The following RNLS variants were observed in gnomAD, a reference collection of about 807,000 sequenced individuals.
RNLS encodes renalase, FAD dependent amine oxidase, also known as renalase.
In RNLS, 39 loss-of-function variants were observed where a neutral mutation model predicts 39.8. The ratio of observed to expected loss-of-function variants is 0.98; its 90% confidence interval spans 0.76 to 1.28. The LOEUF (loss-of-function observed/expected upper bound fraction) is 1.28. Among genes scored for constraint, RNLS ranks in the 50% most tolerant of loss-of-function variants. The probability of loss-of-function intolerance (pLI) is 0.00; values close to 1 mark genes in which losing one functional copy is unlikely to be tolerated. For synonymous variants in RNLS, 147 were observed against 150.7 expected, an observed-to-expected ratio of 0.98 and a Z score of 0.18; for missense variants, 410 against 413.3, an observed-to-expected ratio of 0.99 and a Z score of 0.07.
intron 4 of RNLS, among the ~76,000 whole-genome samples, chr10:88,542,696 C>G (rs562373363): frequency 6.6e-6 from 1 of 152,262 alleles, no homozygotes; most frequent in African/African-American, 2.4e-5. Flanking sequence ...GTCAAAGCTG[C>G]AAGGCTGCCG....
intron 4 of RNLS, among the ~76,000 whole-genome samples, chr10:88,530,235 T>G (rs994430857): frequency 6.6e-6 from 1 of 152,118 alleles, no homozygotes; most frequent in South Asian, 2.1e-4. Flanking sequence ...AGCGAATGGG[T>G]AGATACTCAT....
intron 4 of RNLS, among the ~76,000 whole-genome samples, chr10:88,524,804 G>C (rs1181929028): frequency 6.6e-6 from 1 of 151,180 alleles, no homozygotes; most frequent in East Asian, 1.9e-4. Flanking sequence ...AATACTGGCT[G>C]TATCTAACCT....
At chr10:88,525,873 C>T (rs1448634796) in intron 4 of RNLS, among the ~76,000 whole-genome samples, 1 of 151,932 alleles carries the variant, frequency 6.6e-6, no homozygotes, top group African/African-American at 2.4e-5. Flanking sequence ...GATTATCATA[C>T]CTCCCAGTAA....
At chr10:88,493,118 A>G (rs1188367181) in intron 4 of RNLS, among the ~76,000 whole-genome samples, 2 of 152,148 alleles carry the variant, frequency 1.3e-5, no homozygotes. Flanking sequence ...TCCTACCAGT[A>G]CATGTTATTT....
chr10:88,425,048 C>A (rs1854652620), intron 4 of RNLS, among the ~76,000 whole-genome samples: 1 of 152,120 alleles, frequency 6.6e-6, no homozygotes, highest in Non-Finnish European at 1.5e-5. Context: ...TCAGGATGCT[C>A]AAATATATTG....
chr10:88,505,158 C>T (rs1443716242), intron 4 of RNLS, among the ~76,000 whole-genome samples: 1 of 151,698 alleles, frequency 6.6e-6, no homozygotes, highest in African/African-American at 2.4e-5. Flanking sequence ...GATTCCAGAT[C>T]TAGGGCAGAA....
chr10:88,217,171 C>T, the RNLS span, among the ~76,000 whole-genome samples: 11 of 152,044 alleles, frequency 7.2e-5, no homozygotes, highest in African/African-American at 4.8e-5. Context: ...CCCTGCTGGG[C>T]GGCACTCTCA....
At chr10:88,265,459 A>G in the RNLS span, among the ~76,000 whole-genome samples, 4 of 151,290 alleles carry the variant, frequency 2.6e-5, no homozygotes, top group African/African-American at 7.3e-5. Flanking sequence ...CATTTTCACA[A>G]TATTAATTTT....
At chr10:88,223,714 C>T in the RNLS span, among the ~76,000 whole-genome samples, 1 of 152,116 alleles carries the variant, frequency 6.6e-6, no homozygotes, top group Non-Finnish European at 1.5e-5. Flanking sequence ...TATCACTTTA[C>T]CCCCCAATTC....
At chr10:88,331,151 C>T (rs1325443689) in intron 5 of RNLS, among the ~76,000 whole-genome samples, 1 of 152,200 alleles carries the variant, frequency 6.6e-6, no homozygotes, top group Admixed American at 6.5e-5. Flanking sequence ...TATACAGCAT[C>T]TCTGCTCCTA....
At chr10:88,279,350 A>G (rs189664594), downstream of RNLS, among the ~76,000 whole-genome samples, 1 of 152,282 alleles carries the variant, frequency 6.6e-6, no homozygotes, top group East Asian at 1.9e-4. Context: ...GCCAGCATTT[A>G]TGGAGTGTTT....
At chr10:88,261,996 G>T in the RNLS span, among the ~76,000 whole-genome samples, 1 of 152,176 alleles carries the variant, frequency 6.6e-6, no homozygotes, top group African/African-American at 2.4e-5. Flanking sequence ...ATGAGTAGGA[G>T]TTCATAGGGT....
chr10:88,381,626 A>AGAT (rs1427990403), intron 4 of RNLS, among the ~76,000 whole-genome samples: 2 of 152,048 alleles, frequency 1.3e-5, no homozygotes, highest in Admixed American at 6.5e-5. Context: ...TTTGAATTAT[A>AGAT]GATTACACTA....
intron 4 of RNLS, among the ~76,000 whole-genome samples, chr10:88,405,459 T>G (rs1473679146): frequency 2.0e-5 from 3 of 152,144 alleles, no homozygotes; most frequent in Non-Finnish European, 4.4e-5. Flanking sequence ...TGTCCATCTT[T>G]GTCTCTTTTA....
At chr10:88,200,741 C>T in the RNLS span, among the ~76,000 whole-genome samples, 7 of 152,150 alleles carry the variant, frequency 4.6e-5, no homozygotes, top group South Asian at 2.1e-4. Flanking sequence ...AGATTATTCA[C>T]GGTAAAGAAT....
At chr10:88,432,868 A>G (rs1176199922) in intron 4 of RNLS, among the ~76,000 whole-genome samples, 1 of 152,050 alleles carries the variant, frequency 6.6e-6, no homozygotes, top group Admixed American at 6.6e-5. Context: ...ATTGTTTATA[A>G]GCAAATTCAA....
intron 5 of RNLS, among the ~76,000 whole-genome samples, chr10:88,356,082 G>C (rs1027245372): frequency 2.0e-5 from 3 of 152,192 alleles, no homozygotes; most frequent in African/African-American, 7.2e-5. Context: ...GCAGTATTAG[G>C]GTGGGAGTGA....
the RNLS span, among the ~76,000 whole-genome samples, chr10:88,173,268 G>A: frequency 6.6e-6 from 1 of 152,038 alleles, no homozygotes; most frequent in African/African-American, 2.4e-5. Flanking sequence ...TTTTCTTGGT[G>A]CCTTTGTTAA....
intron 4 of RNLS, among the ~76,000 whole-genome samples, chr10:88,506,747 C>T (rs1311573326): frequency 3.3e-5 from 5 of 151,950 alleles, no homozygotes; most frequent in African/African-American, 7.2e-5. Context: ...CAACACATGC[C>T]TAGAAATTGG....
Sources: allele counts gnomAD v4.1 joint callset (sites outside exome capture counted in the v4.1 genomes callset), GRCh38; gene constraint gnomAD v4.1.1; transcripts MANE v1.5; gene names NCBI Gene and HGNC (gene_info 2026-07-23, HGNC 2026-07-21).